AHI1: variants seen among roughly 807,000 people sequenced by gnomAD.
AHI1 encodes the protein jouberin.
In AHI1, 123 loss-of-function variants were observed where a neutral mutation model predicts 149.3. The ratio of observed to expected loss-of-function variants is 0.82; its 90% confidence interval spans 0.71 to 0.96. The LOEUF is 0.96. Among genes scored for constraint, AHI1 ranks in the 40% least tolerant of loss-of-function variants. The pLI is 0.00. For missense variants in AHI1, 1,439 were observed against 1,422.7 expected, an observed-to-expected ratio of 1.01 and a Z score of -0.18; for synonymous variants, 475 against 459.8, an observed-to-expected ratio of 1.03 and a Z score of -0.42.
chr6:135,290,621 C>A, intron 27 of AHI1, 96 bp from the exon 28 acceptor site: 5 of 1,175,676 alleles, frequency 4.3e-6, no homozygotes, highest in Non-Finnish European at 6.3e-6. Flanking sequence ...GCAGTGGAAA[C>A]AAAAATGGGG....
chr6:135,365,188 C>A (rs1031573800), intron 23 of AHI1, among the ~76,000 whole-genome samples: 11 of 152,150 alleles, frequency 7.2e-5, no homozygotes, highest in Non-Finnish European at 1.6e-4. Flanking sequence ...AAGATCAGTA[C>A]TATGCTCTTT....
At chr6:135,385,935 C>T (rs1170429604) in intron 23 of AHI1, among the ~76,000 whole-genome samples, 1 of 152,188 alleles carries the variant, frequency 6.6e-6, no homozygotes, top group Non-Finnish European at 1.5e-5. Context: ...AATATATTCA[C>T]AACATTTTTA....
intron 24 of AHI1, among the ~76,000 whole-genome samples, chr6:135,335,089 C>G (rs1789179239): frequency 6.6e-6 from 1 of 152,190 alleles, no homozygotes; most frequent in Admixed American, 6.5e-5. Context: ...AAAGTCGAAT[C>G]TTAGAATGTT....
chr6:135,300,643 A>G, intron 26 of AHI1, 85 bp from the exon 27 acceptor site: 1 of 1,539,004 alleles, frequency 6.5e-7, no homozygotes, highest in Non-Finnish European at 8.8e-7. Flanking sequence ...AAACCCACCA[A>G]CTTCCTGAAT....
At chr6:135,419,891 A>G (rs1782905367) in intron 20 of AHI1, among the ~76,000 whole-genome samples, 1 of 152,162 alleles carries the variant, frequency 6.6e-6, no homozygotes, top group Admixed American at 6.6e-5. Context: ...CCATTGCTCT[A>G]CCAACTAAAT....
chr6:135,429,538 T>C (rs1192419281), intron 18 of AHI1, among the ~76,000 whole-genome samples: 1 of 151,758 alleles, frequency 6.6e-6, no homozygotes, highest in East Asian at 1.9e-4. Context: ...ATAATATCAG[T>C]ATCAATCAAT....
At chr6:135,398,424 C>G (rs562161967) in intron 22 of AHI1, among the ~76,000 whole-genome samples, 10 of 152,224 alleles carry the variant, frequency 6.6e-5, no homozygotes, top group Non-Finnish European at 1.2e-4. Flanking sequence ...ATCTTACCCC[C>G]AAACCAGTTC....
At chr6:135,488,799 A>G (rs547690305) in intron 5 of AHI1, among the ~76,000 whole-genome samples, 37 of 152,202 alleles carry the variant, frequency 2.4e-4, no homozygotes, top group African/African-American at 8.7e-4. Context: ...TCTTCTTTCA[A>G]GAAGAAGTCC....
chr6:135,328,141 A>G (rs756410391), intron 24 of AHI1, among the ~76,000 whole-genome samples: 3 of 152,196 alleles, frequency 2.0e-5, no homozygotes, highest in Non-Finnish European at 4.4e-5. Flanking sequence ...GGGATCCGAC[A>G]CTGTCTTCAA....
intron 22 of AHI1, 54 bp downstream of exon 22, chr6:135,404,897 T>A: frequency 2.0e-6 from 3 of 1,533,058 alleles, no homozygotes; most frequent in African/African-American, 1.4e-5. Flanking sequence ...TTCCAGTTCT[T>A]TGGAGCATCA....
intron 14 of AHI1, among the ~76,000 whole-genome samples, chr6:135,440,869 C>T (rs1431424417): frequency 1.3e-5 from 2 of 151,974 alleles, no homozygotes; most frequent in Non-Finnish European, 1.5e-5. Context: ...CATCTGATTT[C>T]CAGAGTTGCC....
Position 135,447,057 on chromosome 6 carries a change from C to G in AHI1, c.1730G>C (p.Gly577Ala). The change falls in exon 13 of 29, where the codon GGA (glycine) becomes GCA (alanine). Residue 577 changes from glycine to alanine, a missense_variant. Gly to Ala is a moderately conservative substitution (Grantham distance 60). Transcript: ENST00000265602. Reference sequence around the variant, plus strand: ...TATTACTTCCTTTGACTCTTCTAATCCAGGTTCTGTGTCTACTGAGCTTGA... The same window carrying G: ...TATTACTTCCTTTGACTCTTCTAATGCAGGTTCTGTGTCTACTGAGCTTGA... ...HESSSVDTEP[G>A]LEESKEVIKW... 6.7e-7 allele frequency: 1 copy of G among 1,492,496 alleles called. No individual in the cohort carries two copies. Among genetic ancestry groups the G allele is most frequent in the East Asian group, 2.7e-5 (1 of 37,158 alleles). The allele number at this position is 1,492,496 out of a possible 1,614,324, so 92.5% of individuals were successfully genotyped here.
chr6:135,366,361 G>C (rs1774186043), intron 23 of AHI1, among the ~76,000 whole-genome samples: 1 of 152,088 alleles, frequency 6.6e-6, no homozygotes, highest in South Asian at 2.1e-4. Flanking sequence ...AGGAGGATTG[G>C]TAACAATTCT....
At chr6:135,462,572 C>T (rs1325478841) in intron 8 of AHI1, among the ~76,000 whole-genome samples, 2 of 152,108 alleles carry the variant, frequency 1.3e-5, no homozygotes, top group East Asian at 1.9e-4. Context: ...ACTACAAAGT[C>T]AGTATCATTT....
chr6:135,489,856 A>G (rs2128133259), intron 5 of AHI1: 1 of 216,496 alleles, frequency 4.6e-6, no homozygotes, highest in Non-Finnish European at 9.0e-6. Context: ...TCTTACTACA[A>G]GCAAAATGTA....
intron 22 of AHI1, among the ~76,000 whole-genome samples, chr6:135,396,532 G>T (rs1191914600): frequency 6.6e-6 from 1 of 151,620 alleles, no homozygotes; most frequent in African/African-American, 2.4e-5. Flanking sequence ...TACAAATAAG[G>T]TGTTATATTA....
chr6:135,452,691 C>A (rs1213909319), intron 11 of AHI1, among the ~76,000 whole-genome samples: 1 of 152,052 alleles, frequency 6.6e-6, no homozygotes, highest in Non-Finnish European at 1.5e-5. Context: ...TCCCGTTGAC[C>A]TTAGCAACCT....
chr6:135,326,034 C>T (rs1012361903), intron 24 of AHI1, among the ~76,000 whole-genome samples: 1 of 152,196 alleles, frequency 6.6e-6, no homozygotes, highest in Admixed American at 6.5e-5. Flanking sequence ...GCCCACATTA[C>T]ACCTTTTCTA....
intron 23 of AHI1, among the ~76,000 whole-genome samples, chr6:135,370,707 G>A (rs148086783): frequency 6.6e-6 from 1 of 152,038 alleles, no homozygotes; most frequent in African/African-American, 2.4e-5. Flanking sequence ...TTTATGTGAG[G>A]TCTTCTCAAT....
Sources: allele counts gnomAD v4.1 joint callset (sites outside exome capture counted in the v4.1 genomes callset), GRCh38; gene constraint gnomAD v4.1.1; transcripts MANE v1.5; gene names NCBI Gene and HGNC (gene_info 2026-07-23, HGNC 2026-07-21).